The following ABCC5 variants were observed in gnomAD, a reference collection of about 807,000 sequenced individuals.
ABCC5 encodes the protein ATP-binding cassette sub-family C member 5.
A neutral mutation model predicts 160.9 loss-of-function variants in ABCC5; 61 were observed. The observed-to-expected ratio is 0.38, with a 90% CI of 0.31 to 0.47. The LOEUF is 0.47. Among genes scored for constraint, ABCC5 ranks in the 20% least tolerant of loss-of-function variants. The pLI is 0.99. For synonymous variants in ABCC5, 666 were observed against 700.6 expected (o/e 0.95, Z 0.78); for missense variants, 1,308 against 1,813.3 (o/e 0.72, Z 5.06).
At chr3:183,981,214 G>A (rs1327107634) in intron 8 of ABCC5, among the ~76,000 whole-genome samples, 3 of 152,126 alleles carry the variant, frequency 2.0e-5, no homozygotes, top group African/African-American at 4.8e-5. Flanking sequence ...AGATCTTTCT[G>A]AATGCCCCAT....
At chr3:184,009,018 A>G (rs1048211455) in intron 2 of ABCC5, among the ~76,000 whole-genome samples, 18 of 152,096 alleles carry the variant, frequency 1.2e-4, no homozygotes, top group African/African-American at 3.4e-4. Context: ...CCCTGTGCCC[A>G]GCTAATTTAT....
intron 2 of ABCC5, among the ~76,000 whole-genome samples, chr3:183,996,029 G>T (rs901580947): frequency 6.6e-6 from 1 of 152,054 alleles, no homozygotes; most frequent in Non-Finnish European, 1.5e-5. Flanking sequence ...GGCTGGTCTC[G>T]ATCTCCTGAC....
At chr3:183,954,918 T>G (rs545118134) in intron 17 of ABCC5, among the ~76,000 whole-genome samples, 14 of 152,144 alleles carry the variant, frequency 9.2e-5, no homozygotes, top group Non-Finnish European at 1.5e-4. Flanking sequence ...TGGGGCAACA[T>G]GGGGCAGGGA....
At chr3:183,942,957 T>A in intron 24 of ABCC5, 41 bp from the exon 25 acceptor site, 1 of 1,554,670 alleles carries the variant, frequency 6.4e-7, no homozygotes, top group Non-Finnish European at 8.7e-7. Context: ...GACCACAGAT[T>A]CTTGGGGAGC....
rs764155308 is a variant in ABCC5 at position 183,963,513 on chromosome 3, T to C, written c.2107A>G (p.Arg703Gly). 6.2e-7 allele frequency: 1 copy of C among 1,614,256 alleles called. No homozygotes were observed. Among genetic ancestry groups the C allele is most frequent in the Non-Finnish European group, 8.5e-7 (1 of 1,180,058 alleles). The change falls in exon 15 of 30, where the codon AGG (arginine) becomes GGG (glycine). Residue 703 changes from arginine to glycine, a missense_variant. Transcript: ENST00000334444. This position sits in a 1 kb window ranked among gnomAD's most constrained non-coding sequence, Gnocchi z 4.6. ...GGGTCGTCCAGGATGTAGATGCTCC[T>C]GTCACTATACAAGGCCCGGGCAAGG... ...ISLARALYSD[R>G]SIYILDDPLS... is the part of the protein sequence containing the mutation.
rs748571946 is a variant in ABCC5 at position 183,947,351 on chromosome 3, C to T, written c.3387G>A (p.Ala1129=). ...GGACAGCATAAGAGATGGCGAGACC[C>T]GCATAGGCTGGGGGAATCTGCCCGT... ...LMHGQIPPAY[A]GLAISYAVQL... The change falls in exon 23 of 30, where the codon GCG becomes GCA. Residue 1129 remains alanine (A), a synonymous_variant. Coordinates refer to ENST00000334444, the MANE Select transcript of ABCC5 (RefSeq NM_005688.4). The T allele has an allele frequency of 4.5e-5, 72 of 1,612,746 alleles. No homozygotes were observed. Among genetic ancestry groups the T allele is most frequent in the African/African-American group, 2.8e-4 (21 of 74,848 alleles).
rs79413304 is a variant in ABCC5 at position 183,995,754 on chromosome 3, C to T, written c.130-6371G>A. 6.6e-3 allele frequency among the ~76,000 whole-genome samples: 1,003 copies of T among 152,204 alleles called. 10 individuals are homozygous for T. The highest frequency in any genetic ancestry group is 0.022 in the African/African-American group (934 of 41,538). On this transcript the variant is annotated intron_variant, in intron 2 of 29. Transcript: ENST00000334444. ...CCTTTTCAAAATTGTTTTAGCTATT[C>T]TAGTTCTTTTGCTTTTCCAGGTGAA...
intron 26 of ABCC5, among the ~76,000 whole-genome samples, chr3:183,932,350 C>T (rs890726457): frequency 2.6e-5 from 4 of 152,100 alleles, no homozygotes; most frequent in South Asian, 2.1e-4. Flanking sequence ...CTAGAGAGAA[C>T]GGCATAGATT....
intron 2 of ABCC5, chr3:184,001,265 G>GA (rs1180616337): frequency 2.1e-5 from 11 of 518,972 alleles, no homozygotes; most frequent in Non-Finnish European, 3.8e-5. Flanking sequence ...AAAATAAAAA[G>GA]TAAAAGGTAA....
intron 26 of ABCC5, among the ~76,000 whole-genome samples, chr3:183,934,886 T>G (rs1299853399): frequency 6.6e-6 from 1 of 152,062 alleles, no homozygotes; most frequent in Admixed American, 6.5e-5. Context: ...TGCTATAAAA[T>G]TGTTAAATTA....
chr3:183,966,381 G>A (rs182965351), intron 12 of ABCC5, among the ~76,000 whole-genome samples: 4 of 152,282 alleles, frequency 2.6e-5, no homozygotes, highest in African/African-American at 7.2e-5. Context: ...CACAAACACC[G>A]CACATTGCAG....
intron 26 of ABCC5, among the ~76,000 whole-genome samples, chr3:183,931,193 T>C (rs1167761442): frequency 6.6e-6 from 1 of 152,158 alleles, no homozygotes; most frequent in Non-Finnish European, 1.5e-5. Flanking sequence ...TGGTTGATCA[T>C]GGGTAACTGA....
chr3:183,928,988 C>G (rs930463867), intron 26 of ABCC5, among the ~76,000 whole-genome samples, 163 bp from the exon 27 acceptor site: 1 of 152,166 alleles, frequency 6.6e-6, no homozygotes, highest in Non-Finnish European at 1.5e-5. Context: ...GGAGCTCTGA[C>G]AGCACACTGG....
intron 2 of ABCC5, 60 bp from the exon 3 acceptor site, chr3:183,989,443 C>T (rs28365001): frequency 1.0e-5 from 16 of 1,569,022 alleles, no homozygotes; most frequent in Middle Eastern, 2.0e-4. Flanking sequence ...GAGAGGCAAA[C>T]GGAACTGATG....
In ABCC5 at chr3:183,938,004, T is replaced by C; in HGVS notation, c.3751A>G (p.Ile1251Val). The C allele has an allele frequency of 6.2e-7, 1 of 1,614,218 alleles. No homozygotes were observed. Among genetic ancestry groups the C allele is most frequent in the South Asian group, 1.1e-5 (1 of 91,076 alleles). ...FRLVELSGGC[I>V]KIDGVRISDI... Reference sequence around the variant, plus strand: ...CTGATTCTCACTCCATCAATCTTGATGCAGCCTCCAGATAACTCCACCAGA... The same window carrying C: ...CTGATTCTCACTCCATCAATCTTGACGCAGCCTCCAGATAACTCCACCAGA... The change falls in exon 26 of 30, where the codon ATC (isoleucine) becomes GTC (valine). Residue 1251 changes from isoleucine (I) to valine (V), a missense_variant. By Grantham distance (29) the Ile-to-Val change is conservative (BLOSUM62 3). Around this residue, in one of 3 missense-constraint regions of ABCC5, gnomAD observed 163 missense variants for 269.7 expected, o/e 0.60. Coordinates refer to ENST00000334444, the MANE Select transcript of ABCC5 (RefSeq NM_005688.4).
chr3:184,005,150 C>G (rs1450763478), intron 2 of ABCC5, among the ~76,000 whole-genome samples: 1 of 152,146 alleles, frequency 6.6e-6, no homozygotes, highest in Non-Finnish European at 1.5e-5. Context: ...GAAGCTCACC[C>G]AGCCCCAGCA....
Position 183,982,603 on chromosome 3 carries a change from C to T in ABCC5, c.847G>A (p.Asp283Asn), listed in dbSNP as rs1560030858. 6.2e-7 allele frequency: 1 copy of T among 1,614,146 alleles called. No homozygotes were observed. Among genetic ancestry groups the T allele is most frequent in the Non-Finnish European group, 8.5e-7 (1 of 1,180,020 alleles). The part of the protein sequence containing the change: ...LGELINICSN[D>N]GQRMFEAAAV... Reference sequence around the variant, plus strand: ...GCTGCCTCAAACATTCTCTGCCCATCGTTGGAGCAAATGTTGATGAGCTAT... The same window carrying T: ...GCTGCCTCAAACATTCTCTGCCCATTGTTGGAGCAAATGTTGATGAGCTAT... Residue 283 changes from aspartate to asparagine, a missense_variant, in exon 7 of 30, where the codon GAT becomes AAT. Transcript: ENST00000334444. This position sits in a 1 kb window ranked among gnomAD's most constrained non-coding sequence, Gnocchi z 5.2.
At chr3:183,994,863 T>G (rs867439174) in intron 2 of ABCC5, among the ~76,000 whole-genome samples, 13 of 151,780 alleles carry the variant, frequency 8.6e-5, no homozygotes, top group Non-Finnish European at 1.8e-4. Flanking sequence ...ATGTTTTTTT[T>G]TTTTTTTTTT....
chr3:183,979,270 G>C (rs573629031), intron 8 of ABCC5, among the ~76,000 whole-genome samples: 2 of 151,910 alleles, frequency 1.3e-5, no homozygotes, highest in East Asian at 3.9e-4. Context: ...GCCTGAACCT[G>C]GGAGGTGGAA....
Sources: allele counts gnomAD v4.1 joint callset (sites outside exome capture counted in the v4.1 genomes callset), GRCh38; gene constraint gnomAD v4.1.1; regional missense constraint gnomAD v4.1.1; non-coding constraint Gnocchi (gnomAD v3.1); transcripts MANE v1.5; gene names NCBI Gene and HGNC (gene_info 2026-07-23, HGNC 2026-07-21).